ZNF705A: variants seen among roughly 807,000 people sequenced by gnomAD.
The protein encoded by ZNF705A is zinc finger protein 705A.
In ZNF705A, 8 loss-of-function variants were observed where a neutral mutation model predicts 16.6. That is an observed-to-expected ratio of 0.48 (90% CI 0.28 to 0.87). ZNF705A has a LOEUF of 0.87. ZNF705A is among the 40% of genes least tolerant of loss of function. The pLI is 0.10. For synonymous variants in ZNF705A, 73 were observed against 117.3 expected (o/e 0.62, Z 2.44); for missense variants, 233 against 359.9 (o/e 0.65, Z 2.85).
chr12:8,178,550 G>A (rs1948504784), exon 5 of ZNF705A: 1 of 152,174 alleles, frequency 6.6e-6, no homozygotes, highest in Non-Finnish European at 1.5e-5. Flanking sequence ...GAGTCAAGAA[G>A]GTGGACCTCT....
At chr12:8,177,603 G>A (rs1486713308) in exon 5 of ZNF705A, 1 of 1,472,868 alleles carries the variant, frequency 6.8e-7, no homozygotes, top group Non-Finnish European at 9.4e-7. Flanking sequence ...ACATGCACTG[G>A]AGAAAAGCCA....
rs757488141 is a variant in ZNF705A at position 8,166,651 on chromosome 12, C to T, written c.-71-5904C>T. ...CTCAGGTATATGTTTATCAGCAGTG[C>T]ACTCCTGTACTTTGTGCACCTGCAG... On this transcript the variant is annotated intron_variant, in intron 1 of 5. Transcript: ENST00000396570. Among the ~76,000 whole-genome samples, 3 of 152,368 alleles carry T rather than the reference C, an allele frequency of 2.0e-5. No homozygotes were observed. The East Asian group carries it at 5.8e-4, about 29-fold the overall frequency.
At chr12:8,158,503 G>T (rs764247473) in intron 1 of ZNF705A, among the ~76,000 whole-genome samples, 84 of 152,102 alleles carry the variant, frequency 5.5e-4, no homozygotes, top group African/African-American at 2.0e-3. Context: ...GTATTTCATT[G>T]TATAAATGCA....
In ZNF705A at chr12:8,173,043, C is replaced by T. The variant is rs761305403; in HGVS notation, c.12+406C>T. ...TAACTGTACTGTTGGCTGAAATAGA[C>T]TTAGGATTGTGATGAATGCAAGCGA... On this transcript the variant is annotated intron_variant, in intron 1 of 4. Coordinates refer to ENST00000359286, the Ensembl canonical transcript of ZNF705A. Among the ~76,000 whole-genome samples, 39 of 152,314 alleles carry T rather than the reference C, an allele frequency of 2.6e-4. No individual in the cohort carries two copies. In the South Asian group the frequency reaches 7.9e-3, roughly 31 times the overall value.
upstream of ZNF705A, among the ~76,000 whole-genome samples, chr12:8,170,310 A>C (rs1948435947): frequency 6.6e-6 from 1 of 152,064 alleles, no homozygotes; most frequent in Non-Finnish European, 1.5e-5. Context: ...AAAGTTTGTC[A>C]ATACATTTTT....
At chr12:8,167,901 C>A (rs1488589849), upstream of ZNF705A, among the ~76,000 whole-genome samples, 1 of 152,198 alleles carries the variant, frequency 6.6e-6, no homozygotes, top group Non-Finnish European at 1.5e-5. Context: ...GAGACCCAGG[C>A]AGATGCCTGA....
chr12:8,165,542 T>C (rs1948393136), intron 1 of ZNF705A, among the ~76,000 whole-genome samples: 1 of 151,546 alleles, frequency 6.6e-6, no homozygotes, highest in Non-Finnish European at 1.5e-5. Context: ...TCAACTTTTA[T>C]TTTAGATTTA....
intron 1 of ZNF705A, among the ~76,000 whole-genome samples, chr12:8,163,813 G>C (rs1948377160): frequency 6.6e-6 from 1 of 152,092 alleles, no homozygotes; most frequent in African/African-American, 2.4e-5. Context: ...TATCATTTTT[G>C]AATTCCAGGC....
At chr12:8,178,522 A>G (rs1948504466) in exon 5 of ZNF705A, 1 of 152,262 alleles carries the variant, frequency 6.6e-6, no homozygotes, top group South Asian at 2.1e-4. Context: ...AACCTGATAG[A>G]TTTCTCATCA....
chr12:8,162,800 T>C (rs1948367307), intron 1 of ZNF705A, among the ~76,000 whole-genome samples: 1 of 152,212 alleles, frequency 6.6e-6, no homozygotes, highest in Non-Finnish European at 1.5e-5. Context: ...GACCAGACAT[T>C]TTGTTAGTGA....
upstream of ZNF705A, among the ~76,000 whole-genome samples, chr12:8,168,241 C>T (rs773103513): frequency 5.3e-4 from 81 of 152,266 alleles, no homozygotes; most frequent in African/African-American, 1.9e-3. Context: ...AACGGCCTCT[C>T]TCTGATGCTG....
At chr12:8,160,230 TATA>T (rs1189102923) in intron 1 of ZNF705A, among the ~76,000 whole-genome samples, 2 of 152,186 alleles carry the variant, frequency 1.3e-5, no homozygotes, top group Non-Finnish European at 2.9e-5. Context: ...ACTATGACCT[TATA>T]ATATATTTTG....
At chr12:8,177,404 A>G in exon 5 of ZNF705A, 1 of 1,612,082 alleles carries the variant, frequency 6.2e-7, no homozygotes, top group Admixed American at 1.7e-5. Flanking sequence ...TCAATCCTTT[A>G]ACCTTCGAAG....
At chr12:8,174,585 T>A in intron 2 of ZNF705A, 133 bp downstream of exon 3, 1 of 1,553,748 alleles carries the variant, frequency 6.4e-7, no homozygotes, top group South Asian at 1.2e-5. Flanking sequence ...CTGAAAAAAG[T>A]TTGAACTTTC....
rs1641621222 is a variant in ZNF705A, at chr12:8,172,708, T to A, written c.12+71T>A. Reference sequence around the variant, plus strand: ...TGGCAAGTGGGCATTTTTCTCCAATTTGCATGGGTGTTTCATTTTTATTCT... The same window carrying A: ...TGGCAAGTGGGCATTTTTCTCCAATATGCATGGGTGTTTCATTTTTATTCT... On this transcript the variant is annotated intron_variant, in intron 1 of 4. Coordinates refer to ENST00000359286, the Ensembl canonical transcript of ZNF705A. 2.5e-6 allele frequency: 4 copies of A among 1,576,790 alleles called. No homozygotes were observed. The East Asian group carries it at 8.9e-5, about 35-fold the overall frequency.
At chr12:8,157,212 C>T (rs1282366658) in intron 1 of ZNF705A, 120 bp downstream of exon 1, 2 of 392,562 alleles carry the variant, frequency 5.1e-6, no homozygotes, top group Non-Finnish European at 9.0e-6. Context: ...CCTAAATAAG[C>T]ATTTCAAACT....
At chr12:8,169,468 T>TA (rs991578271), upstream of ZNF705A, among the ~76,000 whole-genome samples, 2 of 152,226 alleles carry the variant, frequency 1.3e-5, no homozygotes, top group African/African-American at 2.4e-5. Context: ...TTTCATACTT[T>TA]AAAAAAATCT....
chr12:8,171,068 A>T (rs1948441142), upstream of ZNF705A, among the ~76,000 whole-genome samples: 1 of 152,188 alleles, frequency 6.6e-6, no homozygotes, highest in Non-Finnish European at 1.5e-5. Flanking sequence ...TAATTTTGTC[A>T]TATTTTTCAA....
chr12:8,158,402 G>T (rs1040310618), intron 1 of ZNF705A, among the ~76,000 whole-genome samples: 2 of 151,898 alleles, frequency 1.3e-5, no homozygotes, highest in Admixed American at 1.3e-4. Context: ...GTTCTCCTTT[G>T]TGTCTGGCTT....
Sources: allele counts gnomAD v4.1 joint callset (sites outside exome capture counted in the v4.1 genomes callset), GRCh38; gene constraint gnomAD v4.1.1; transcripts MANE v1.5; gene names NCBI Gene and HGNC (gene_info 2026-07-23, HGNC 2026-07-21).